Variants in SPAG16 observed in about 807,000 individuals in gnomAD.
The protein encoded by SPAG16 is sperm-associated antigen 16 protein.
SPAG16 carries 86 observed loss-of-function variants against 80.4 expected under a neutral mutation model. The observed-to-expected ratio is 1.07, with a 90% CI of 0.90 to 1.28. The LOEUF (loss-of-function observed/expected upper bound fraction) is 1.28. SPAG16 is among the 50% of genes most tolerant of loss of function. The pLI is 0.00. For missense variants in SPAG16, 870 were observed against 765.3 expected (o/e 1.14, Z -1.61); for synonymous variants, 294 against 265.9 (o/e 1.11, Z -1.03).
intron 15 of SPAG16, among the ~76,000 whole-genome samples, chr2:214,311,368 C>T (rs550995468): frequency 2.2e-4 from 34 of 152,232 alleles, no homozygotes; most frequent in Admixed American, 1.9e-3. Context: ...GTCCCTGCCA[C>T]CTGAGTCTGA....
chr2:213,489,897 A>G (rs887861272), intron 9 of SPAG16, 66 bp from the exon 10 acceptor site: 3 of 1,195,042 alleles, frequency 2.5e-6, no homozygotes, highest in Admixed American at 5.8e-5. Context: ...ATATTAAATC[A>G]GAGTATCAAC....
chr2:213,917,806 AT>A (rs1168836336), intron 11 of SPAG16, among the ~76,000 whole-genome samples: 1 of 151,934 alleles, frequency 6.6e-6, no homozygotes, highest in Non-Finnish European at 1.5e-5. Flanking sequence ...AACTTTGAAT[AT>A]TTTGTAGAGT....
chr2:213,671,140 A>G (rs144910288), intron 10 of SPAG16, among the ~76,000 whole-genome samples: 73 of 152,350 alleles, frequency 4.8e-4, no homozygotes, highest in African/African-American at 1.7e-3. Flanking sequence ...ATAATTGTGT[A>G]CTCATTTTAA....
At chr2:214,360,176 A>T (rs1274917806) in intron 15 of SPAG16, among the ~76,000 whole-genome samples, 1 of 151,898 alleles carries the variant, frequency 6.6e-6, no homozygotes, top group African/African-American at 2.4e-5. Context: ...AAGCATCAGG[A>T]GTTTCCCTTT....
At chr2:213,640,706 G>C (rs2062553725) in intron 10 of SPAG16, among the ~76,000 whole-genome samples, 1 of 152,198 alleles carries the variant, frequency 6.6e-6, no homozygotes, top group East Asian at 1.9e-4. Context: ...TTAGTCCACT[G>C]TCTTTTTTGA....
Position 213,464,387 on chromosome 2 carries a change from T to A in SPAG16, c.943-25576T>A, listed in dbSNP as rs370564275. On this transcript the variant is annotated intron_variant, in intron 9 of 15. Transcript: ENST00000331683. ...ATGTGGTCTCCAAGCACCATGAAGATGGTACTGTATACCTAGTGCCTTTGA... is the reference window on the plus strand; with the variant it reads ...ATGTGGTCTCCAAGCACCATGAAGAAGGTACTGTATACCTAGTGCCTTTGA... Among the ~76,000 whole-genome samples the A allele has an allele frequency of 2.5e-4, 38 of 152,330 alleles. No homozygotes were observed. The East Asian group carries it at 6.6e-3, about 26-fold the overall frequency.
intron 9 of SPAG16, among the ~76,000 whole-genome samples, chr2:213,406,333 A>AGGATTTCACACGCCAGATCAAAT (rs1172129196): frequency 2.6e-5 from 4 of 152,220 alleles, no homozygotes; most frequent in African/African-American, 9.6e-5. Context: ...CCTGCTTTTC[A>AGGATTTCACACGCCAGATCAAAT]GGATTTCACA....
intron 11 of SPAG16, among the ~76,000 whole-genome samples, chr2:213,900,735 C>G (rs899554136): frequency 3.9e-5 from 6 of 152,100 alleles, no homozygotes; most frequent in African/African-American, 1.4e-4. Context: ...CCTGGACATT[C>G]ATCATTTTTC....
chr2:214,221,885 C>A (rs1576529997), intron 15 of SPAG16, among the ~76,000 whole-genome samples: 1 of 151,532 alleles, frequency 6.6e-6, no homozygotes. Flanking sequence ...TGTTTTATTA[C>A]AAAATCAGCC....
At chr2:213,318,480 A>G (rs1444604984) in intron 5 of SPAG16, among the ~76,000 whole-genome samples, 1 of 151,968 alleles carries the variant, frequency 6.6e-6, no homozygotes, top group Non-Finnish European at 1.5e-5. Context: ...GAATGGAATA[A>G]TAGATACTGG....
intron 10 of SPAG16, among the ~76,000 whole-genome samples, chr2:213,686,051 A>G (rs1271466668): frequency 6.6e-6 from 1 of 152,252 alleles, no homozygotes; most frequent in Non-Finnish European, 1.5e-5. Flanking sequence ...ACATCCAATC[A>G]TCTCATATCC....
At chr2:214,335,103 AG>A in intron 15 of SPAG16, among the ~76,000 whole-genome samples, 1 of 152,288 alleles carries the variant, frequency 6.6e-6, no homozygotes, top group East Asian at 1.9e-4. Flanking sequence ...CTGATCCTAT[AG>A]GAAGTTTTGA....
chr2:213,508,989 C>CTTTTA (rs780627263), intron 10 of SPAG16, among the ~76,000 whole-genome samples: 3 of 149,576 alleles, frequency 2.0e-5, no homozygotes, highest in Admixed American at 6.6e-5. Context: ...ACAATATTTT[C>CTTTTA]TTTTCTTTTC....
chr2:213,704,491 C>G (rs182851412), intron 10 of SPAG16, among the ~76,000 whole-genome samples: 23 of 152,276 alleles, frequency 1.5e-4, no homozygotes, highest in Middle Eastern at 3.4e-3. Context: ...TACTCTGTCT[C>G]TCAAAGAGAT....
intron 15 of SPAG16, among the ~76,000 whole-genome samples, chr2:214,368,492 C>T (rs567080607): frequency 3.3e-5 from 5 of 152,070 alleles, no homozygotes; most frequent in African/African-American, 1.2e-4. Flanking sequence ...TATTTTTGTT[C>T]TATTTCATCC....
At chr2:213,360,321 A>G (rs928319137) in intron 7 of SPAG16, among the ~76,000 whole-genome samples, 2 of 152,256 alleles carry the variant, frequency 1.3e-5, no homozygotes, top group Admixed American at 6.5e-5. Context: ...GATGGAGCCA[A>G]TGCAAGTCCT....
In SPAG16 at chr2:213,644,826, C is replaced by G. The variant is rs148734835; in HGVS notation, c.1070+154736C>G. Among the ~76,000 whole-genome samples the G allele has an allele frequency of 1.2e-4, 18 of 152,338 alleles. No individual in the cohort carries two copies. The East Asian group carries it at 3.1e-3, about 26-fold the overall frequency. On this transcript the variant is annotated intron_variant, in intron 10 of 15. Coordinates refer to ENST00000331683, the MANE Select transcript of SPAG16 (RefSeq NM_024532.5). ...ACCTAAAGACAGCACAGTGCTGCAT[C>G]TCACCCAAGGCCTGCTGTAACTACT...
intron 13 of SPAG16, among the ~76,000 whole-genome samples, chr2:214,037,661 C>T (rs1296286562): frequency 1.3e-5 from 2 of 151,934 alleles, no homozygotes; most frequent in Non-Finnish European, 2.9e-5. Flanking sequence ...TTTTGATTCT[C>T]CTTAATTTTT....
At chr2:213,911,562 T>C (rs1242757144) in intron 11 of SPAG16, among the ~76,000 whole-genome samples, 2 of 152,260 alleles carry the variant, frequency 1.3e-5, no homozygotes, top group African/African-American at 4.8e-5. Flanking sequence ...TATGTGTTGC[T>C]AAATATAATG....
Sources: gnomAD v4.1 joint callset for allele counts (sites outside exome capture counted in the v4.1 genomes callset) on GRCh38, gnomAD v4.1.1 for gene constraint, MANE v1.5 for transcripts, NCBI Gene and HGNC (gene_info 2026-07-23, HGNC 2026-07-21) for gene names.